The following CSMD1 variants were observed in gnomAD, a reference collection of about 807,000 sequenced individuals.
CSMD1 encodes CUB and Sushi multiple domains 1.
A neutral mutation model predicts 417.5 loss-of-function variants in CSMD1; 213 were observed. The ratio of observed to expected loss-of-function variants is 0.51; its 90% CI spans 0.46 to 0.57. The LOEUF (loss-of-function observed/expected upper bound fraction) is 0.57. Ranked by LOEUF, CSMD1 falls within the 20% of genes least tolerant of loss-of-function variation. The pLI, the probability that CSMD1 is intolerant of heterozygous loss-of-function variation, is 0.00. For missense variants in CSMD1, 6,923 were observed against 4,529.7 expected (o/e 1.53, Z -15.17); for synonymous variants, 2,862 against 1,736.8 (o/e 1.65, Z -16.11).
chr8:3,304,746 A>T (rs972997602), intron 25 of CSMD1, among the ~76,000 whole-genome samples: 11 of 151,026 alleles, frequency 7.3e-5, no homozygotes, highest in African/African-American at 2.7e-4. Context: ...AATTTTTTTT[A>T]TTAAAATGTT....
chr8:4,720,671 C>G (rs930049831), intron 1 of CSMD1, among the ~76,000 whole-genome samples: 1 of 152,186 alleles, frequency 6.6e-6, no homozygotes, highest in African/African-American at 2.4e-5. Context: ...ATCCACCTGC[C>G]TTGGCTTCCC....
intron 3 of CSMD1, among the ~76,000 whole-genome samples, chr8:4,289,217 C>T (rs550613944): frequency 6.6e-6 from 1 of 152,092 alleles, no homozygotes; most frequent in South Asian, 2.1e-4. Flanking sequence ...TTCTAGATAC[C>T]TGTCGGTCAT....
chr8:4,671,718 G>C (rs1182017894), intron 1 of CSMD1, among the ~76,000 whole-genome samples: 2 of 152,052 alleles, frequency 1.3e-5, no homozygotes, highest in Non-Finnish European at 2.9e-5. Flanking sequence ...GGGTCAGAAA[G>C]TATTGCTTGT....
chr8:4,257,720 A>T (rs1040689662), intron 3 of CSMD1, among the ~76,000 whole-genome samples: 1 of 152,164 alleles, frequency 6.6e-6, no homozygotes, highest in Non-Finnish European at 1.5e-5. Flanking sequence ...CTGGGTACCA[A>T]ATACCTCTCT....
Position 4,295,860 on chromosome 8 carries a change from A to G in CSMD1, c.415+124093T>C, listed in dbSNP as rs753362707. 2.6e-4 allele frequency among the ~76,000 whole-genome samples: 39 copies of G among 149,596 alleles called. 1 individual carries two copies. The highest frequency in any genetic ancestry group is 4.7e-4 in the Non-Finnish European group (32 of 67,560). On this transcript the variant is annotated intron_variant, in intron 3 of 69. Coordinates refer to ENST00000635120, the MANE Select transcript of CSMD1 (RefSeq NM_033225.6). The stretch of plus-strand genomic sequence containing the variant: ...CAAATTTCAGATTTCTTCAACCATT[A>G]TCCCAAACAAGTACAATGCTCTTGT...
Position 3,929,012 on chromosome 8 carries a change from G to C in CSMD1, c.818+68891C>G, listed in dbSNP as rs959521639. On this transcript the variant is annotated intron_variant, in intron 5 of 69. Coordinates refer to ENST00000635120, the MANE Select transcript of CSMD1 (RefSeq NM_033225.6). The stretch of plus-strand genomic sequence containing the variant: ...TGTATAAGAAATCTTACCGATTTTT[G>C]GTTTCCCTGTAACTCTCAGGGCCAT... 1.5e-4 allele frequency among the ~76,000 whole-genome samples: 23 copies of C among 150,372 alleles called. 1 individual carries two copies. The highest frequency in any genetic ancestry group is 7.9e-4 in the Admixed American group (12 of 15,154).
chr8:4,029,196 C>T (rs181673794), intron 4 of CSMD1, among the ~76,000 whole-genome samples: 22 of 151,278 alleles, frequency 1.5e-4, no homozygotes, highest in Admixed American at 3.9e-4. Context: ...AATCCTACAA[C>T]GAGAGGTGAT....
At chr8:3,626,120 AG>A in intron 7 of CSMD1, among the ~76,000 whole-genome samples, 1 of 152,254 alleles carries the variant, frequency 6.6e-6, no homozygotes, top group Non-Finnish European at 1.5e-5. Context: ...TGGTGCTCTG[AG>A]ATGTTCACCG....
chr8:4,803,250 G>C (rs1798404354), intron 1 of CSMD1, among the ~76,000 whole-genome samples: 1 of 152,082 alleles, frequency 6.6e-6, no homozygotes, highest in South Asian at 2.1e-4. Flanking sequence ...CATGGTTTAT[G>C]GTTTACTGAG....
chr8:4,598,672 A>C (rs1800412889), intron 2 of CSMD1, among the ~76,000 whole-genome samples: 2 of 152,218 alleles, frequency 1.3e-5, no homozygotes, highest in Non-Finnish European at 2.9e-5. Flanking sequence ...ATTTCCTCTG[A>C]AATATTTACA....
In CSMD1 at chr8:4,281,871, T is replaced by C. The variant is rs544725015; in HGVS notation, c.415+138082A>G. Among the ~76,000 whole-genome samples, 6 of 152,308 alleles carry C rather than the reference T, an allele frequency of 3.9e-5. No individual in the cohort carries two copies. In the East Asian group the frequency reaches 1.2e-3, roughly 29 times the overall value. On this transcript the variant is annotated intron_variant, in intron 3 of 69. Transcript: ENST00000635120. Reference sequence around the variant, plus strand: ...ACACCTAACATGCATTAAAAAAATGTTTTGCAAATGACAAGGCAAAGGCTT... The same window carrying C: ...ACACCTAACATGCATTAAAAAAATGCTTTGCAAATGACAAGGCAAAGGCTT...
chr8:3,964,491 T>C (rs1812543670), intron 5 of CSMD1, among the ~76,000 whole-genome samples: 1 of 152,320 alleles, frequency 6.6e-6, no homozygotes, highest in South Asian at 2.1e-4. Context: ...ATTTGTATTC[T>C]CTTTCTAGCC....
At chr8:4,191,757 A>G (rs1799045809) in intron 3 of CSMD1, among the ~76,000 whole-genome samples, 1 of 151,802 alleles carries the variant, frequency 6.6e-6, no homozygotes, top group Non-Finnish European at 1.5e-5. Flanking sequence ...AAAAAAAAAA[A>G]AAAAATGGTG....
intron 3 of CSMD1, among the ~76,000 whole-genome samples, chr8:4,206,233 T>C (rs1295118956): frequency 6.6e-6 from 1 of 152,162 alleles, no homozygotes. Flanking sequence ...CTAGAGTACA[T>C]GTGCACAAGG....
In CSMD1 at chr8:4,271,695, T is replaced by C. The variant is rs559977819; in HGVS notation, c.415+148258A>G. ...TTTAAGGTATACATCACTATATGTATATTAATCCTAACTCACTACTAAATC... is the reference window on the plus strand; with the variant it reads ...TTTAAGGTATACATCACTATATGTACATTAATCCTAACTCACTACTAAATC... On this transcript the variant is annotated intron_variant, in intron 3 of 69. Transcript: ENST00000635120. Among the ~76,000 whole-genome samples the C allele has an allele frequency of 2.6e-4, 40 of 152,326 alleles. 1 individual carries two copies. In the South Asian group the frequency reaches 6.4e-3, roughly 24 times the overall value.
chr8:4,285,566 C>T (rs998742340), intron 3 of CSMD1, among the ~76,000 whole-genome samples: 3 of 152,180 alleles, frequency 2.0e-5, no homozygotes, highest in Admixed American at 1.3e-4. Flanking sequence ...GGGCAGGTTT[C>T]GCTAATGCTG....
chr8:3,369,852 G>T (rs1217759379), intron 18 of CSMD1, among the ~76,000 whole-genome samples: 1 of 152,196 alleles, frequency 6.6e-6, no homozygotes, highest in Non-Finnish European at 1.5e-5. Context: ...GAGCTTAAGT[G>T]CTCAACTCTG....
chr8:3,359,446 T>A (rs185505918), intron 20 of CSMD1, 106 bp from the exon 21 acceptor site: 214 of 714,430 alleles, frequency 3.0e-4, no homozygotes, highest in Non-Finnish European at 4.4e-4. Context: ...AAAAAAAACC[T>A]ACATATATAT....
intron 1 of CSMD1, among the ~76,000 whole-genome samples, chr8:4,946,192 G>T (rs1170734368): frequency 6.6e-6 from 1 of 152,118 alleles, no homozygotes; most frequent in Admixed American, 6.6e-5. Context: ...GTTTTGGTCT[G>T]ACTCAACATA....
Sources: gnomAD v4.1 joint callset for allele counts (sites outside exome capture counted in the v4.1 genomes callset) on GRCh38, gnomAD v4.1.1 for gene constraint, MANE v1.5 for transcripts, NCBI Gene and HGNC (gene_info 2026-07-23, HGNC 2026-07-21) for gene names.